The following ZBTB20 variants were observed in gnomAD, a reference collection of about 807,000 sequenced individuals.
ZBTB20 encodes zinc finger and BTB domain containing 20, also known as zinc finger and BTB domain-containing protein 20.
In ZBTB20, 9 loss-of-function variants were observed where a neutral mutation model predicts 56.9. That is an observed-to-expected ratio of 0.16 (90% CI 0.10 to 0.28). The LOEUF (loss-of-function observed/expected upper bound fraction) is 0.28, where lower values mean the gene tolerates loss of function less well. Ranked by LOEUF, ZBTB20 falls within the 10% of genes least tolerant of loss-of-function variation. The probability of loss-of-function intolerance (pLI) is 1.00; values close to 1 mark genes in which losing one functional copy is unlikely to be tolerated. For synonymous variants in ZBTB20, 417 were observed against 420.7 expected, an observed-to-expected ratio of 0.99 and a Z score of 0.11; for missense variants, 655 against 1,003.0, an observed-to-expected ratio of 0.65 and a Z score of 4.69.
chr3:114,945,863 C>T (rs72960318), intron 3 of ZBTB20, among the ~76,000 whole-genome samples: 1,897 of 144,386 alleles, frequency 0.013, 393 homozygotes, highest in African/African-American at 0.051. Context: ...CAAACACCAA[C>T]GAAAAGAAGG....
At chr3:114,456,673 A>C (rs902246182) in intron 7 of ZBTB20, among the ~76,000 whole-genome samples, 4 of 152,178 alleles carry the variant, frequency 2.6e-5, no homozygotes, top group Non-Finnish European at 5.9e-5. Flanking sequence ...TTCGGGACAC[A>C]TATGATCATG....
chr3:115,012,621 G>C (rs533890325), intron 2 of ZBTB20, among the ~76,000 whole-genome samples: 13 of 151,900 alleles, frequency 8.6e-5, no homozygotes, highest in Non-Finnish European at 1.8e-4. Context: ...ATAATAGTTG[G>C]AGACTTTAAC....
chr3:114,588,138 C>G (rs1197499041), intron 6 of ZBTB20, among the ~76,000 whole-genome samples: 1 of 152,128 alleles, frequency 6.6e-6, no homozygotes, highest in Non-Finnish European at 1.5e-5. Context: ...GTCTGCTATT[C>G]TGTTTTAGGT....
chr3:114,565,695 G>A (rs540582987), intron 6 of ZBTB20, among the ~76,000 whole-genome samples: 8 of 152,114 alleles, frequency 5.3e-5, no homozygotes, highest in South Asian at 2.1e-4. Context: ...TATACCATGC[G>A]GTGTGTCCCA....
At chr3:114,752,987 C>T (rs1438460253) in intron 5 of ZBTB20, among the ~76,000 whole-genome samples, 1 of 152,066 alleles carries the variant, frequency 6.6e-6, no homozygotes, top group Non-Finnish European at 1.5e-5. Flanking sequence ...AATGCACACT[C>T]TTGGTATTTG....
At chr3:114,901,954 G>A (rs1186175739) in intron 3 of ZBTB20, among the ~76,000 whole-genome samples, 2 of 151,848 alleles carry the variant, frequency 1.3e-5, no homozygotes, top group East Asian at 1.9e-4. Flanking sequence ...TTTTATAATA[G>A]GAAAAAATAA....
chr3:115,032,287 T>C (rs1185858479), intron 2 of ZBTB20, among the ~76,000 whole-genome samples: 3 of 151,512 alleles, frequency 2.0e-5, no homozygotes, highest in South Asian at 4.1e-4. Context: ...TTATATATAA[T>C]GAAGTAACCA....
intron 7 of ZBTB20, among the ~76,000 whole-genome samples, chr3:114,470,007 A>C (rs180872156): frequency 1.1e-3 from 174 of 152,326 alleles, no homozygotes; most frequent in African/African-American, 4.1e-3. Context: ...CTCACCACAC[A>C]ATTTCTCAAC....
chr3:114,722,352 A>G lies in ZBTB20; in HGVS notation c.-342-28777T>C, dbSNP rs553516604. ...GCAAACCTAGTAAGGAATGCTCCCA[A>G]AGGCTGTTACCTCTGACAGAAGAAA... On this transcript the variant is annotated intron_variant, in intron 5 of 11. Transcript: ENST00000675478. Among the ~76,000 whole-genome samples the G allele has an allele frequency of 2.0e-4, 31 of 152,306 alleles. No individual in the cohort carries two copies. The East Asian group carries it at 6.0e-3, about 29-fold the overall frequency.
chr3:114,611,875 G>A (rs2057583474), intron 6 of ZBTB20, among the ~76,000 whole-genome samples: 1 of 152,076 alleles, frequency 6.6e-6, no homozygotes, highest in Non-Finnish European at 1.5e-5. Context: ...CTCTGTAAGT[G>A]TTTCAGTTAT....
At chr3:114,348,008 C>G (rs1308646748) in intron 11 of ZBTB20, among the ~76,000 whole-genome samples, 1 of 152,190 alleles carries the variant, frequency 6.6e-6, no homozygotes, top group Non-Finnish European at 1.5e-5. Flanking sequence ...ATGTCCAAAT[C>G]TAGTTATCTC....
chr3:114,344,050 A>G (rs1213713721), intron 11 of ZBTB20, among the ~76,000 whole-genome samples: 1 of 150,008 alleles, frequency 6.7e-6, no homozygotes, highest in Non-Finnish European at 1.5e-5. Context: ...CTCCATCTCA[A>G]AAAAAAAATG....
intron 6 of ZBTB20, among the ~76,000 whole-genome samples, chr3:114,575,839 A>G (rs1387814771): frequency 6.6e-6 from 1 of 152,242 alleles, no homozygotes; most frequent in Non-Finnish European, 1.5e-5. Flanking sequence ...ATGTGGAAAT[A>G]GCCATGAATG....
At chr3:114,412,523 C>A (rs1038802103) in intron 7 of ZBTB20, among the ~76,000 whole-genome samples, 9 of 152,104 alleles carry the variant, frequency 5.9e-5, no homozygotes, top group African/African-American at 2.2e-4. Flanking sequence ...GGGATGCTGA[C>A]CTTGGGTTCA....
chr3:114,596,440 C>A (rs552790461), intron 6 of ZBTB20, among the ~76,000 whole-genome samples: 5 of 152,158 alleles, frequency 3.3e-5, no homozygotes, highest in African/African-American at 1.2e-4. Flanking sequence ...GGCAGGCAAA[C>A]AGAAAGGTGT....
intron 5 of ZBTB20, among the ~76,000 whole-genome samples, chr3:114,709,249 T>C (rs548450273): frequency 1.3e-5 from 2 of 152,296 alleles, no homozygotes; most frequent in Admixed American, 6.5e-5. Flanking sequence ...AACAGTTTCA[T>C]AGTTCTTCTC....
intron 6 of ZBTB20, among the ~76,000 whole-genome samples, chr3:114,645,129 G>A (rs1424138661): frequency 1.3e-5 from 2 of 151,972 alleles, no homozygotes; most frequent in Non-Finnish European, 1.5e-5. Context: ...TACAGTAAGA[G>A]CCATCCATAT....
chr3:115,009,853 G>A (rs1235346080), intron 2 of ZBTB20, among the ~76,000 whole-genome samples: 4 of 151,870 alleles, frequency 2.6e-5, no homozygotes, highest in Non-Finnish European at 4.4e-5. Context: ...CTTTTATAGG[G>A]CTTCACAGCC....
chr3:114,981,468 A>C (rs2078324326), intron 2 of ZBTB20, among the ~76,000 whole-genome samples: 1 of 152,118 alleles, frequency 6.6e-6, no homozygotes, highest in Non-Finnish European at 1.5e-5. Context: ...CACATTTTAG[A>C]AGTGACAGCA....
Sources: gnomAD v4.1 joint callset for allele counts (sites outside exome capture counted in the v4.1 genomes callset) on GRCh38, gnomAD v4.1.1 for gene constraint, MANE v1.5 for transcripts, NCBI Gene and HGNC (gene_info 2026-07-23, HGNC 2026-07-21) for gene names.